STAC: variants seen among roughly 807,000 people sequenced by gnomAD.
STAC encodes SH3 and cysteine-rich domain-containing protein.
A neutral mutation model predicts 48.8 loss-of-function variants in STAC; 43 were observed. The observed-to-expected ratio is 0.88, with a 90% CI of 0.69 to 1.14. The LOEUF (loss-of-function observed/expected upper bound fraction) is 1.14, where lower values mean the gene tolerates loss of function less well. Ranked by LOEUF, STAC falls within the 50% of genes most tolerant of loss-of-function variation. STAC has a pLI of 0.00. For synonymous variants in STAC, 193 were observed against 179.5 expected, an observed-to-expected ratio of 1.07 and a Z score of -0.60; for missense variants, 497 against 504.0, an observed-to-expected ratio of 0.99 and a Z score of 0.13.
chr3:36,511,589 T>G (rs940769959), intron 8 of STAC, among the ~76,000 whole-genome samples: 1 of 152,222 alleles, frequency 6.6e-6, no homozygotes, highest in Non-Finnish European at 1.5e-5. Context: ...TCAAAACTAT[T>G]TAATTGCCAG....
chr3:36,426,994 T>G (rs1412388312), intron 1 of STAC, among the ~76,000 whole-genome samples: 1 of 152,202 alleles, frequency 6.6e-6, no homozygotes, highest in Admixed American at 6.5e-5. Flanking sequence ...TCAACTCATC[T>G]CCACCAACAG....
Position 36,443,048 on chromosome 3 carries a change from T to A in STAC, c.112-316T>A, listed in dbSNP as rs1696397584. On this transcript the variant is annotated intron_variant, in intron 1 of 10. Coordinates refer to ENST00000273183, the MANE Select transcript of STAC (RefSeq NM_003149.3). The surrounding 1 kb of genome is among the most constrained non-coding windows in gnomAD (Gnocchi z 4.2). ...ATTCAAATTCAAAAGGCAAATTATA[T>A]CAAAATCCAATGTGGTGGGACACTT... 6.6e-6 allele frequency among the ~76,000 whole-genome samples: 1 copy of A among 152,198 alleles called. No homozygotes were observed. Among genetic ancestry groups the A allele is most frequent in the South Asian group, 2.1e-4 (1 of 4,834 alleles).
chr3:36,492,826 T>C (rs1698026738), intron 5 of STAC, among the ~76,000 whole-genome samples: 1 of 152,244 alleles, frequency 6.6e-6, no homozygotes, highest in Non-Finnish European at 1.5e-5. Flanking sequence ...TGACAGGATA[T>C]GGACAGGCAT....
chr3:36,500,795 A>C (rs1299946164), intron 6 of STAC, among the ~76,000 whole-genome samples: 1 of 152,132 alleles, frequency 6.6e-6, no homozygotes, highest in African/African-American at 2.4e-5. Flanking sequence ...ACACTTCTAA[A>C]ATTTTTATAG....
intron 2 of STAC, chr3:36,459,314 A>C (rs779532082): frequency 3.9e-5 from 6 of 152,192 alleles, no homozygotes; most frequent in Non-Finnish European, 8.8e-5. Context: ...CACAAGTGGA[A>C]ACAATAGTTC....
chr3:36,467,115 T>A (rs1445013249), intron 2 of STAC, among the ~76,000 whole-genome samples: 1 of 152,198 alleles, frequency 6.6e-6, no homozygotes, highest in Non-Finnish European at 1.5e-5. Context: ...GTAATTTTCA[T>A]TTTTAATTCT....
intron 1 of STAC, among the ~76,000 whole-genome samples, chr3:36,423,981 G>C (rs1447677615): frequency 6.6e-6 from 1 of 152,022 alleles, no homozygotes; most frequent in East Asian, 1.9e-4. Flanking sequence ...TGAGTTTAAT[G>C]CCATATAATG....
At chr3:36,503,193 G>T (rs1265076101) in intron 6 of STAC, among the ~76,000 whole-genome samples, 2 of 152,064 alleles carry the variant, frequency 1.3e-5, no homozygotes, top group African/African-American at 2.4e-5. Flanking sequence ...CATCAAAATG[G>T]TAGAGTAATT....
intron 10 of STAC, among the ~76,000 whole-genome samples, chr3:36,538,556 G>A (rs897495406): frequency 5.3e-5 from 8 of 152,162 alleles, no homozygotes; most frequent in Non-Finnish European, 1.0e-4. Flanking sequence ...AGATCAAGAC[G>A]TGTACAATTC....
intron 8 of STAC, among the ~76,000 whole-genome samples, chr3:36,525,481 A>G (rs1175298292): frequency 6.6e-6 from 1 of 151,782 alleles, no homozygotes; most frequent in Non-Finnish European, 1.5e-5. Context: ...GACTATAAAA[A>G]TAGAGGTCGG....
At chr3:36,520,299 T>C (rs950674950) in intron 8 of STAC, among the ~76,000 whole-genome samples, 1 of 152,204 alleles carries the variant, frequency 6.6e-6, no homozygotes, top group African/African-American at 2.4e-5. Flanking sequence ...CAAATCCTAC[T>C]TGGAAATCTG....
chr3:36,450,424 T>C (rs1221347581), intron 2 of STAC, among the ~76,000 whole-genome samples: 1 of 152,216 alleles, frequency 6.6e-6, no homozygotes. Context: ...TCATCTGTCA[T>C]CTTTCTCTTG....
intron 1 of STAC, among the ~76,000 whole-genome samples, chr3:36,384,388 G>A (rs1293259960): frequency 6.6e-6 from 1 of 152,090 alleles, no homozygotes; most frequent in African/African-American, 2.4e-5. Context: ...GCTTCCTCAT[G>A]GGGATGCTGA....
intron 2 of STAC, among the ~76,000 whole-genome samples, chr3:36,475,644 T>C (rs1257103540): frequency 6.6e-6 from 1 of 152,162 alleles, no homozygotes; most frequent in African/African-American, 2.4e-5. Context: ...CGGGGAGGCA[T>C]GGTGAAAACT....
At chr3:36,518,922 G>C (rs1046266393) in intron 8 of STAC, among the ~76,000 whole-genome samples, 36 of 152,214 alleles carry the variant, frequency 2.4e-4, no homozygotes, top group African/African-American at 8.2e-4. Flanking sequence ...TGGGCCAGGG[G>C]ACCAGCAGAA....
chr3:36,546,341 G>A lies in STAC; in HGVS notation c.*52G>A, dbSNP rs530306055. The stretch of plus-strand genomic sequence containing the variant: ...AGGCAAGCTCTGCTGCGATGCCTCT[G>A]CCTCATCTCACACTGCGTCAACCCA... On this transcript the variant is annotated 3_prime_UTR_variant, in exon 11 of 11. Transcript: ENST00000273183. 1.3e-6 allele frequency: 2 copies of A among 1,504,636 alleles called. No individual in the cohort carries two copies. The highest frequency in any genetic ancestry group is 1.1e-5 in the South Asian group (1 of 88,900). The allele number at this position is 1,504,636 out of a possible 1,614,324, so 93.2% of individuals were successfully genotyped here. A position where few individuals can be genotyped will look rare whatever the true frequency, so the allele number is the denominator to read the frequency against.
At chr3:36,514,482 C>T (rs1331797930) in intron 8 of STAC, among the ~76,000 whole-genome samples, 2 of 152,002 alleles carry the variant, frequency 1.3e-5, no homozygotes, top group Admixed American at 6.6e-5. Flanking sequence ...CCATAGTTCT[C>T]TCAAACACTT....
At chr3:36,480,499 G>C (rs1051100221) in intron 2 of STAC, among the ~76,000 whole-genome samples, 1 of 152,068 alleles carries the variant, frequency 6.6e-6, no homozygotes, top group Non-Finnish European at 1.5e-5. Flanking sequence ...GCTTTTCCAG[G>C]TTGCATGCCA....
chr3:36,524,940 A>C (rs796941916), intron 8 of STAC, among the ~76,000 whole-genome samples: 3 of 152,326 alleles, frequency 2.0e-5, no homozygotes, highest in African/African-American at 7.2e-5. Context: ...GGCTAATCTC[A>C]AGAGGAGTCT....
Sources: gnomAD v4.1 joint callset for allele counts (sites outside exome capture counted in the v4.1 genomes callset) on GRCh38, gnomAD v4.1.1 for gene constraint, Gnocchi (gnomAD v3.1) non-coding constraint, MANE v1.5 for transcripts, NCBI Gene and HGNC (gene_info 2026-07-23, HGNC 2026-07-21) for gene names.